The following TRPV4 variants were observed in gnomAD, a reference collection of about 807,000 sequenced individuals.
TRPV4 encodes transient receptor potential cation channel subfamily V member 4, also known as OSM9-like transient receptor potential channel 4.
In TRPV4, 58 loss-of-function variants were observed where a neutral mutation model predicts 84.1. That is an observed-to-expected ratio of 0.69 (90% CI 0.56 to 0.86). The LOEUF (loss-of-function observed/expected upper bound fraction) is 0.86, where lower values mean the gene tolerates loss of function less well. TRPV4 is among the 40% of genes least tolerant of loss of function. The pLI is 0.00. For synonymous variants in TRPV4, 489 were observed against 500.9 expected, an observed-to-expected ratio of 0.98 and a Z score of 0.32; for missense variants, 879 against 1,181.1, an observed-to-expected ratio of 0.74 and a Z score of 3.75.
chr12:109,814,106 G>A lies in TRPV4; in HGVS notation c.386+305C>T, dbSNP rs150924929. Among the ~76,000 whole-genome samples, 1 of 152,034 alleles carries A rather than the reference G, an allele frequency of 6.6e-6. No homozygotes were observed. The highest frequency in any genetic ancestry group is 1.5e-5 in the Non-Finnish European group (1 of 67,996). On this transcript the variant is annotated intron_variant, in intron 2 of 15. Coordinates refer to ENST00000261740, the MANE Select transcript of TRPV4 (RefSeq NM_021625.5). This position sits in a 1 kb window ranked among gnomAD's most constrained non-coding sequence, Gnocchi z 5.4. The stretch of plus-strand genomic sequence containing the variant: ...GGAGAGATGAATGGATCGATGGATA[G>A]ATGTATGGATGGTTGGATGGATGGA...
Position 109,798,742 on chromosome 12 carries a change from C to G in TRPV4, c.1024G>C (p.Val342Leu). The G allele has an allele frequency of 6.2e-7, 1 of 1,614,194 alleles. No homozygotes were observed. Among genetic ancestry groups the G allele is most frequent in the East Asian group, 2.2e-5 (1 of 44,884 alleles). The change falls in exon 6 of 16, where the codon GTT (valine) becomes CTT (leucine). Residue 342 changes from valine (V) to leucine (L), a missense_variant. By Grantham distance (32) the Val-to-Leu change is conservative. Coordinates refer to ENST00000261740, the MANE Select transcript of TRPV4 (RefSeq NM_021625.5). This position sits in a 1 kb window ranked among gnomAD's most constrained non-coding sequence, Gnocchi z 5.0. ...AGCAGCAGGTCGTACATCTTGGTAA[C>G]AAACTTGGTGTTCTCACGGGTGTTG... Reference protein sequence around the residue: ...ADNTRENTKFVTKMYDLLLLK... With the variant: ...ADNTRENTKFLTKMYDLLLLK...
chr12:109,796,463 C>T lies in TRPV4; in HGVS notation c.1332+62G>A, dbSNP rs1427139012. On this transcript the variant is annotated intron_variant, in intron 7 of 15. Coordinates refer to ENST00000261740, the MANE Select transcript of TRPV4 (RefSeq NM_021625.5). The surrounding 1 kb of genome is among the most constrained non-coding windows in gnomAD (Gnocchi z 4.2). ...TCTCCCCCAGCCCAGCCCCAGGGCC[C>T]TGTCCCTACTCCCAGCCCTGCCCCT... 2 of 1,594,436 alleles carry T rather than the reference C, an allele frequency of 1.3e-6. No individual in the cohort carries two copies. The highest frequency in any genetic ancestry group is 1.7e-6 in the Non-Finnish European group (2 of 1,167,786).
chr12:109,820,228 T>G (rs900165221), intron 1 of TRPV4, among the ~76,000 whole-genome samples: 4 of 152,080 alleles, frequency 2.6e-5, no homozygotes, highest in South Asian at 2.1e-4. Context: ...AAGAACTGCA[T>G]AGACCAGAAG....
In TRPV4 at chr12:109,788,574, G is replaced by A. The variant is rs3742037; in HGVS notation, c.2034C>T (p.Ile678=). The A allele has an allele frequency of 0.15, 248,321 of 1,614,170 alleles. 20,663 individuals are homozygous for A. The highest frequency in any genetic ancestry group is 0.26 in the Admixed American group (15,681 of 60,018). ...TFLLDLFKLT[I]GMGDLEMLSS... ...TCAGCATCTCCAGGTCGCCCATGCC[G>A]ATGGTCAGCTTAAACAGGTCCAGGA... Residue 678 remains isoleucine (I), a synonymous_variant, in exon 13 of 16, where the codon ATC becomes ATT. Transcript: ENST00000261740.
At chr12:109,831,262 C>T (rs1437143506) in intron 1 of TRPV4, among the ~76,000 whole-genome samples, 1 of 152,212 alleles carries the variant, frequency 6.6e-6, no homozygotes, top group Non-Finnish European at 1.5e-5. Context: ...CTTTCCTCTA[C>T]TTCTGCATTT....
chr12:109,821,382 C>T (rs1892094327), intron 1 of TRPV4, among the ~76,000 whole-genome samples: 1 of 152,168 alleles, frequency 6.6e-6, no homozygotes, highest in Non-Finnish European at 1.5e-5. Context: ...CCTGGAATGC[C>T]CTTCCCTTCG....
chr12:109,788,632 G>C lies in TRPV4; in HGVS notation c.1976C>G (p.Ser659Trp). 1 of 1,614,246 alleles carries C rather than the reference G, an allele frequency of 6.2e-7. No individual in the cohort carries two copies. The highest frequency in any genetic ancestry group is 8.5e-7 in the Non-Finnish European group (1 of 1,180,046). ...QTNCTVPTYP[S>W]CRDSETFSTF... is the part of the protein sequence containing the mutation. ...GCTGAAGGTCTCGCTGTCACGGCAC[G>C]AGGGGTAAGTGGGCACTGTGCAGTT... Residue 659 changes from serine (S) to tryptophan (W), a missense_variant, in exon 13 of 16, where the codon TCG becomes TGG. By Grantham distance (177) the Ser-to-Trp change is radical (BLOSUM62 -3). Around this residue, in one of 4 missense-constraint regions of TRPV4, gnomAD observed 242 missense variants for 355.3 expected, o/e 0.68. Transcript: ENST00000261740.
At position 109,783,939 on chromosome 12, in the gene TRPV4, A is replaced by T. The variant is rs185141361; in HGVS notation, c.2459-161T>A. ...GGAAACTGGGGCTCAAGAGAGGTCA[A>T]GGTGCCTCCCCAGGAGAGAATGGAG... is the stretch of plus-strand genomic sequence containing the variant. On this transcript the variant is annotated intron_variant, in intron 15 of 15. Coordinates refer to ENST00000261740, the MANE Select transcript of TRPV4 (RefSeq NM_021625.5). This position sits in a 1 kb window ranked among gnomAD's most constrained non-coding sequence, Gnocchi z 4.6. Among the ~76,000 whole-genome samples the T allele has an allele frequency of 3.4e-4, 52 of 152,282 alleles. No homozygotes were observed. Among genetic ancestry groups the T allele is most frequent in the African/African-American group, 1.2e-3 (51 of 41,558 alleles).
chr12:109,784,741 G>T (rs1889572506), intron 14 of TRPV4, among the ~76,000 whole-genome samples: 1 of 151,292 alleles, frequency 6.6e-6, no homozygotes, highest in Admixed American at 6.6e-5. Context: ...TGACCCGAGA[G>T]GCTGAGGCAG....
At chr12:109,803,360 G>A (rs981856624) in intron 3 of TRPV4, among the ~76,000 whole-genome samples, 1 of 152,166 alleles carries the variant, frequency 6.6e-6, no homozygotes, top group Non-Finnish European at 1.5e-5. Context: ...CATGGGGTTA[G>A]GTGCTTTGAA....
chr12:109,799,001 C>G (rs892271449), intron 5 of TRPV4, 89 bp from the exon 6 acceptor site: 4 of 1,280,976 alleles, frequency 3.1e-6, no homozygotes, highest in Non-Finnish European at 4.4e-6. Flanking sequence ...GACACCGTGG[C>G]GCTCTGAGGA....
At chr12:109,831,825 G>A (rs543612293) in intron 1 of TRPV4, among the ~76,000 whole-genome samples, 287 of 152,282 alleles carry the variant, frequency 1.9e-3, no homozygotes, top group African/African-American at 6.6e-3. Context: ...AAAGTGAACC[G>A]CCCTGAACTA....
At chr12:109,811,245 G>A (rs941673382) in intron 2 of TRPV4, among the ~76,000 whole-genome samples, 4 of 152,162 alleles carry the variant, frequency 2.6e-5, no homozygotes, top group African/African-American at 9.7e-5. Flanking sequence ...TCAGCTACTT[G>A]CTTCTTGTCT....
rs763793577 is a variant in TRPV4 at position 109,794,417 on chromosome 12, G to A, written c.1403C>T (p.Ala468Val). The A allele has an allele frequency of 1.2e-6, 2 of 1,614,022 alleles. No homozygotes were observed. The highest frequency in any genetic ancestry group is 1.7e-6 in the Non-Finnish European group (2 of 1,180,018). The change falls in exon 8 of 16, where the codon GCC becomes GTC. Residue 468 changes from alanine (A) to valine (V), a missense_variant. Transcript: ENST00000261740. ...GACCACGTTGATGTAGAAGGAGACG[G>A]CCCCGAACTTGCGCCACTTGTCCCG... Reference protein sequence around the residue: ...LLRDKWRKFGAVSFYINVVSY... With the variant: ...LLRDKWRKFGVVSFYINVVSY...
At chr12:109,824,715 C>T (rs1230203992) in intron 1 of TRPV4, among the ~76,000 whole-genome samples, 1 of 151,838 alleles carries the variant, frequency 6.6e-6, no homozygotes, top group Non-Finnish European at 1.5e-5. Context: ...GAGATAGCAC[C>T]ACTGCACTCC....
Position 109,802,988 on chromosome 12 carries a change from C to A in TRPV4, c.712+3G>T. The stretch of plus-strand genomic sequence containing the variant: ...GGCACCCCTGCCCAGCCCGGGGCCC[C>A]ACCTCGATAGTAGATGTCACGGAAG... On this transcript the variant is annotated splice_donor_region_variant and intron_variant, in intron 4 of 15. Transcript: ENST00000261740. The A allele has an allele frequency of 6.2e-7, 1 of 1,613,838 alleles. No individual in the cohort carries two copies. Among genetic ancestry groups the A allele is most frequent in the Non-Finnish European group, 8.5e-7 (1 of 1,179,978 alleles).
chr12:109,807,979 G>A (rs748953024), intron 3 of TRPV4, among the ~76,000 whole-genome samples: 1 of 152,222 alleles, frequency 6.6e-6, no homozygotes, highest in Non-Finnish European at 1.5e-5. Context: ...GAGGCTCAGA[G>A]AGGTCACACA....
intron 12 of TRPV4, 107 bp downstream of exon 12, chr12:109,792,256 A>G: frequency 1.2e-6 from 1 of 865,338 alleles, no homozygotes; most frequent in Non-Finnish European, 1.7e-6. Flanking sequence ...AAAAAAAAAA[A>G]AAAAAAAAAG....
intron 2 of TRPV4, among the ~76,000 whole-genome samples, chr12:109,811,871 C>G (rs1046846526): frequency 3.3e-5 from 5 of 151,818 alleles, no homozygotes; most frequent in African/African-American, 1.2e-4. Flanking sequence ...ACACAGGCCA[C>G]CGAGAGGAGA....
Sources: gnomAD v4.1 joint callset for allele counts (sites outside exome capture counted in the v4.1 genomes callset) on GRCh38, gnomAD v4.1.1 for gene constraint, gnomAD v4.1.1 regional missense constraint, Gnocchi (gnomAD v3.1) non-coding constraint, MANE v1.5 for transcripts, NCBI Gene and HGNC (gene_info 2026-07-23, HGNC 2026-07-21) for gene names.